UBR1: variants seen among roughly 807,000 people sequenced by gnomAD.
UBR1 encodes the protein E3 ubiquitin-protein ligase UBR1.
A neutral mutation model predicts 242.1 loss-of-function variants in UBR1; 102 were observed. That is an observed-to-expected ratio of 0.42 (90% CI 0.36 to 0.50). The LOEUF is 0.50. UBR1 is among the 20% of genes least tolerant of loss of function. The pLI, the probability that UBR1 is intolerant of heterozygous loss-of-function variation, is 0.01. For missense variants in UBR1, 1,772 were observed against 2,101.8 expected (o/e 0.84, Z 3.07); for synonymous variants, 675 against 684.8 (o/e 0.99, Z 0.22).
chr15:42,958,518 A>T (rs1377702011), intron 43 of UBR1, among the ~76,000 whole-genome samples: 1 of 152,208 alleles, frequency 6.6e-6, no homozygotes, highest in Non-Finnish European at 1.5e-5. Flanking sequence ...CCACCATCAA[A>T]TCAGGTTCTG....
intron 44 of UBR1, among the ~76,000 whole-genome samples, chr15:42,954,130 C>T (rs1157077452): frequency 6.6e-6 from 1 of 152,036 alleles, no homozygotes; most frequent in Admixed American, 6.5e-5. Context: ...AGAGATTCAC[C>T]CACCTCAGCC....
At chr15:42,988,775 A>T in intron 35 of UBR1, 44 bp downstream of exon 35, 1 of 1,612,346 alleles carries the variant, frequency 6.2e-7, no homozygotes, top group Non-Finnish European at 8.5e-7. Flanking sequence ...GATCAAAGTT[A>T]ATTCTCACTG....
chr15:43,068,068 C>T (rs1453642859), intron 5 of UBR1, 32 bp from the exon 6 acceptor site: 13 of 969,116 alleles, frequency 1.3e-5, no homozygotes, highest in Admixed American at 4.6e-5. Flanking sequence ...TATTTGGATA[C>T]TACAACAAAT....
intron 3 of UBR1, among the ~76,000 whole-genome samples, chr15:43,076,374 G>T (rs1046206043): frequency 6.6e-6 from 1 of 152,166 alleles, no homozygotes; most frequent in Non-Finnish European, 1.5e-5. Context: ...CCAAAGTGCC[G>T]AGATTGCAGC....
Position 43,054,050 on chromosome 15 carries a change from A to G in UBR1, c.1439+692T>C, listed in dbSNP as rs529800991. ...GAGGATCAACTGTATAGCAAAAAGG[A>G]GTTAAAAAAATGTTAACAGCCAGCC... is the stretch of plus-strand genomic sequence containing the variant. On this transcript the variant is annotated intron_variant, in intron 12 of 46. Coordinates refer to ENST00000290650, the MANE Select transcript of UBR1 (RefSeq NM_174916.3). Among the ~76,000 whole-genome samples, 5 of 152,290 alleles carry G rather than the reference A, an allele frequency of 3.3e-5. No individual in the cohort carries two copies. The East Asian group carries it at 7.7e-4, about 23-fold the overall frequency.
intron 44 of UBR1, among the ~76,000 whole-genome samples, chr15:42,957,252 G>C (rs1455351470): frequency 6.6e-6 from 1 of 152,090 alleles, no homozygotes; most frequent in Non-Finnish European, 1.5e-5. Context: ...GACATGCTAA[G>C]TGAAAGAAGC....
chr15:43,105,970 A>C lies in UBR1; in HGVS notation c.53T>G (p.Leu18Ter). ...TGCCAGACGCTGAGGGGTCTGGGGT[A>C]ACTCCGCGCTGATTTCCATCCTCTC... ...GTERMEISAELPQTPQRLASW... is the reference protein window; with the variant it reads ...GTERMEISAE The change falls in exon 1 of 47, where the codon TTA becomes TGA. Residue 18 changes from leucine to a stop codon, truncating the protein, a stop_gained. Transcript: ENST00000290650. LOFTEE classifies it high-confidence loss of function. 2 of 1,613,968 alleles carry C rather than the reference A, an allele frequency of 1.2e-6. No individual in the cohort carries two copies. Among genetic ancestry groups the C allele is most frequent in the Non-Finnish European group, 1.7e-6 (2 of 1,179,970 alleles).
At chr15:43,059,855 T>C (rs747403657) in intron 7 of UBR1, 30 bp from the exon 8 acceptor site, 5 of 1,612,986 alleles carry the variant, frequency 3.1e-6, no homozygotes, top group Admixed American at 3.3e-5. Context: ...ACCAAAAAAA[T>C]AGCATTTAAA....
At chr15:43,016,931 A>G (rs930246662) in intron 28 of UBR1, among the ~76,000 whole-genome samples, 164 bp downstream of exon 28, 3 of 152,178 alleles carry the variant, frequency 2.0e-5, no homozygotes, top group African/African-American at 7.2e-5. Context: ...CGTACCATTA[A>G]TCTCCACAAT....
intron 42 of UBR1, among the ~76,000 whole-genome samples, chr15:42,963,444 T>C (rs2032053786): frequency 6.6e-6 from 1 of 152,140 alleles, no homozygotes; most frequent in African/African-American, 2.4e-5. Flanking sequence ...AGAGGGCCAG[T>C]AACCAATAGG....
chr15:43,033,645 C>G (rs922290530), intron 19 of UBR1, among the ~76,000 whole-genome samples: 1 of 151,986 alleles, frequency 6.6e-6, no homozygotes, highest in African/African-American at 2.4e-5. Flanking sequence ...CAGAGCGAGA[C>G]TTCGTCTCAA....
chr15:42,970,696 A>T (rs575025562), intron 39 of UBR1, 89 bp from the exon 40 acceptor site: 3 of 1,212,644 alleles, frequency 2.5e-6, no homozygotes, highest in South Asian at 2.5e-5. Flanking sequence ...GACAATAAAC[A>T]ACGTAGATTC....
intron 13 of UBR1, 91 bp from the exon 14 acceptor site, chr15:43,047,380 C>T: frequency 6.3e-7 from 1 of 1,577,302 alleles, no homozygotes; most frequent in South Asian, 1.1e-5. Flanking sequence ...GGATTCATAA[C>T]ATTTTAACAT....
rs765892025 is a variant in UBR1, at chr15:43,036,154, T to A, written c.2190+24A>T. On this transcript the variant is annotated intron_variant, in intron 19 of 46. Transcript: ENST00000290650. ...TAACAATATTTCCTTTAAAATTAATTCACATAATTTACAGGTTGTATACCT... is the reference window on the plus strand; with the variant it reads ...TAACAATATTTCCTTTAAAATTAATACACATAATTTACAGGTTGTATACCT... The A allele has an allele frequency of 2.0e-6, 3 of 1,513,734 alleles. No homozygotes were observed. The South Asian group carries it at 3.4e-5, about 17-fold the overall frequency. The allele number at this position is 1,513,734 out of a possible 1,614,324, so 93.8% of individuals were successfully genotyped here. A position where few individuals can be genotyped will look rare whatever the true frequency, so the allele number is the denominator to read the frequency against.
At position 42,952,440 on chromosome 15, in the gene UBR1, C is replaced by A; in HGVS notation, c.4844G>T (p.Arg1615Leu). ...LNQASHFRCP[R>L]SADDERKHPV... ...ATGCTTTCGCTCATCATCTGCAGACCGTGGGCACCTCAAAAGAGAAGAAAA... is the reference window on the plus strand; with the variant it reads ...ATGCTTTCGCTCATCATCTGCAGACAGTGGGCACCTCAAAAGAGAAGAAAA... Residue 1615 changes from arginine (R) to leucine (L), a missense_variant, in exon 45 of 47, where the codon CGG (arginine) becomes CTG (leucine). Around this residue, in one of 3 missense-constraint regions of UBR1, gnomAD observed 965 missense variants for 1,079.7 expected, o/e 0.89. Coordinates refer to ENST00000290650, the MANE Select transcript of UBR1 (RefSeq NM_174916.3). 6.2e-7 allele frequency: 1 copy of A among 1,614,168 alleles called. No homozygotes were observed.
intron 34 of UBR1, 94 bp from the exon 35 acceptor site, chr15:42,989,061 C>T (rs1262789857): frequency 1.9e-6 from 2 of 1,063,556 alleles, no homozygotes; most frequent in African/African-American, 1.6e-5. Flanking sequence ...AACAATTTAA[C>T]TGCTTTCAAC....
intron 32 of UBR1, among the ~76,000 whole-genome samples, chr15:42,999,833 C>T (rs753489000): frequency 6.6e-6 from 1 of 151,438 alleles, no homozygotes; most frequent in Non-Finnish European, 1.5e-5. Flanking sequence ...AAAAAAAAAC[C>T]AAGAAGGACT....
chr15:43,099,988 G>C (rs1429376622), intron 1 of UBR1, among the ~76,000 whole-genome samples: 2 of 151,866 alleles, frequency 1.3e-5, no homozygotes, highest in South Asian at 2.1e-4. Flanking sequence ...CCATTCTCCT[G>C]CCTCAGCCTC....
At chr15:43,004,838 C>G (rs991655527) in intron 30 of UBR1, among the ~76,000 whole-genome samples, 25 of 152,162 alleles carry the variant, frequency 1.6e-4, no homozygotes, top group African/African-American at 6.0e-4. Flanking sequence ...GCCTGGCCGC[C>G]CATCGTCTGG....
Sources: gnomAD v4.1 joint callset for allele counts (sites outside exome capture counted in the v4.1 genomes callset) on GRCh38, gnomAD v4.1.1 for gene constraint, gnomAD v4.1.1 regional missense constraint, MANE v1.5 for transcripts, NCBI Gene and HGNC (gene_info 2026-07-23, HGNC 2026-07-21) for gene names.